Variants in NALF1 observed in about 807,000 individuals in gnomAD.
The protein encoded by NALF1 is family with sequence similarity 155 member A.
A neutral mutation model predicts 48.4 loss-of-function variants in NALF1; 3 were observed. The ratio of observed to expected loss-of-function variants is 0.06; its 90% confidence interval spans 0.03 to 0.16. The LOEUF (loss-of-function observed/expected upper bound fraction) is 0.16, where lower values mean the gene tolerates loss of function less well. Among genes scored for constraint, NALF1 ranks in the 10% least tolerant of loss-of-function variants. The probability of loss-of-function intolerance (pLI) is 1.00; values close to 1 mark genes in which losing one functional copy is unlikely to be tolerated. For missense variants in NALF1, 526 were observed against 571.5 expected (o/e 0.92, Z 0.81); for synonymous variants, 262 against 245.7 (o/e 1.07, Z -0.62).
chr13:107,563,294 A>C (rs1877698618), intron 1 of NALF1, among the ~76,000 whole-genome samples: 1 of 152,178 alleles, frequency 6.6e-6, no homozygotes, highest in Non-Finnish European at 1.5e-5. Context: ...GGCCTTAAAA[A>C]CAGGCCAGAG....
rs3072955 is a variant in NALF1 at position 107,514,459 on chromosome 13, A to ATCT, written c.916-303705_916-303704insAGA. Among the ~76,000 whole-genome samples, 3 of 138,500 alleles carry ATCT rather than the reference A, an allele frequency of 2.2e-5. No homozygotes were observed. In the South Asian group the frequency reaches 6.8e-4, roughly 32 times the overall value. 90.9% of individuals were successfully genotyped at this position (138,500 alleles called of 152,430 possible). On this transcript the variant is annotated intron_variant, in intron 1 of 2. Transcript: ENST00000375915. ...TATCTATCTATCTATCTATCTATCT[A>ATCT]ATCTACCTATCTATAAATCAATTTT...
At position 107,169,400 on chromosome 13, in the gene NALF1, A is replaced by AGAT. The variant is rs1184964991; in HGVS notation, c.*1094_*1096dup. 1.7e-5 allele frequency: 2 copies of AGAT among 120,102 alleles called. No homozygotes were observed. The highest frequency in any genetic ancestry group is 4.5e-4 in the East Asian group (2 of 4,400). 7.4% of individuals were successfully genotyped at this position (120,102 alleles called of 1,614,324 possible). A position where few individuals can be genotyped will look rare whatever the true frequency, so the allele number is the denominator to read the frequency against. On this transcript the variant is annotated 3_prime_UTR_variant, in exon 3 of 3. Coordinates refer to ENST00000375915, the MANE Select transcript of NALF1 (RefSeq NM_001080396.3). The stretch of plus-strand genomic sequence containing the variant: ...AACAATAAGGGAGGAAAAGAAGTCC[A>AGAT]GATATGTGTCCGCAATCCCTTTGTT...
At position 107,429,728 on chromosome 13, in the gene NALF1, A is replaced by C. The variant is rs190439087; in HGVS notation, c.916-218973T>G. Among the ~76,000 whole-genome samples the C allele has an allele frequency of 1.6e-3, 241 of 149,274 alleles. 1 individual carries two copies. The highest frequency in any genetic ancestry group is 5.6e-3 in the African/African-American group (231 of 41,206). The stretch of plus-strand genomic sequence containing the variant: ...ATGATAAAGACCGAATCAAAATCCA[A>C]AGTAATCAAATGTGGAAGAAACATA... On this transcript the variant is annotated intron_variant, in intron 1 of 2. Coordinates refer to ENST00000375915, the MANE Select transcript of NALF1 (RefSeq NM_001080396.3).
intron 1 of NALF1, among the ~76,000 whole-genome samples, chr13:107,343,384 T>A (rs11841746): frequency 6.6e-6 from 1 of 152,156 alleles, no homozygotes; most frequent in Non-Finnish European, 1.5e-5. Flanking sequence ...TGGGAGGTGA[T>A]TGAATCATGG....
intron 1 of NALF1, among the ~76,000 whole-genome samples, chr13:107,674,040 G>C (rs996243069): frequency 1.3e-5 from 2 of 151,720 alleles, no homozygotes. Context: ...CCAAAGACAA[G>C]AGCAACACCA....
At chr13:107,333,404 T>C (rs1234823459) in intron 1 of NALF1, among the ~76,000 whole-genome samples, 1 of 152,120 alleles carries the variant, frequency 6.6e-6, no homozygotes, top group African/African-American at 2.4e-5. Context: ...ATGGCACTCA[T>C]AGGCTTCAAA....
chr13:107,386,960 T>C (rs892284842), intron 1 of NALF1, among the ~76,000 whole-genome samples: 1 of 152,160 alleles, frequency 6.6e-6, no homozygotes, highest in African/African-American at 2.4e-5. Flanking sequence ...AAGAATGATA[T>C]ATTTTCTGAG....
intron 1 of NALF1, among the ~76,000 whole-genome samples, chr13:107,770,351 G>T (rs545895490): frequency 1.3e-5 from 2 of 151,938 alleles, no homozygotes; most frequent in African/African-American, 4.8e-5. Flanking sequence ...TGTAGATGAG[G>T]GGTAAAAGGT....
chr13:107,371,388 A>G (rs1883246002), intron 1 of NALF1, among the ~76,000 whole-genome samples: 1 of 152,178 alleles, frequency 6.6e-6, no homozygotes, highest in Non-Finnish European at 1.5e-5. Flanking sequence ...TGGAGGCTGC[A>G]GTGACTGTGA....
chr13:107,427,362 T>C (rs189425475), intron 1 of NALF1, among the ~76,000 whole-genome samples: 2 of 152,186 alleles, frequency 1.3e-5, no homozygotes, highest in East Asian at 3.9e-4. Context: ...CTCTAGAGTA[T>C]AATAACAGAA....
intron 1 of NALF1, among the ~76,000 whole-genome samples, chr13:107,421,295 TCTCAATA>T: frequency 6.6e-6 from 1 of 152,142 alleles, no homozygotes; most frequent in East Asian, 1.9e-4. Context: ...CTCAGATATA[TCTCAATA>T]CTCATTAACA....
At chr13:107,563,650 C>G (rs1185751080) in intron 1 of NALF1, among the ~76,000 whole-genome samples, 1 of 152,200 alleles carries the variant, frequency 6.6e-6, no homozygotes, top group Non-Finnish European at 1.5e-5. Flanking sequence ...ACTTCTGTCC[C>G]TCTTTACTGA....
chr13:107,333,840 C>A (rs1882511209), intron 1 of NALF1, among the ~76,000 whole-genome samples: 1 of 152,188 alleles, frequency 6.6e-6, no homozygotes, highest in Non-Finnish European at 1.5e-5. Context: ...GGAATCATTT[C>A]TGTTCATTGA....
In NALF1 at chr13:107,582,031, A is replaced by G. The variant is rs1924439; in HGVS notation, c.915+283651T>C. 0.02 allele frequency among the ~76,000 whole-genome samples: 3,116 copies of G among 152,236 alleles called. 210 individuals carry two copies. The East Asian group carries it at 0.26, about 13-fold the overall frequency. On this transcript the variant is annotated intron_variant, in intron 1 of 2. Transcript: ENST00000375915. Reference sequence around the variant, plus strand: ...TTCTAGGAATTCTGTGTTTCATTCTACATTCTTGTTGAACTCTCCAGTGCT... The same window carrying G: ...TTCTAGGAATTCTGTGTTTCATTCTGCATTCTTGTTGAACTCTCCAGTGCT...
chr13:107,454,025 G>C (rs1304371309), intron 1 of NALF1, among the ~76,000 whole-genome samples: 1 of 152,114 alleles, frequency 6.6e-6, no homozygotes, highest in African/African-American at 2.4e-5. Context: ...CTCCATCACA[G>C]ACCACCTCAG....
chr13:107,746,677 T>G (rs756979346), intron 1 of NALF1, among the ~76,000 whole-genome samples: 13 of 152,208 alleles, frequency 8.5e-5, no homozygotes, highest in Non-Finnish European at 1.5e-4. Context: ...TTCTTTTCAA[T>G]GTTAACAGGA....
rs535297187 is a variant in NALF1 at position 107,190,440 on chromosome 13, C to G, written c.1088-19654G>C. 2.0e-5 allele frequency among the ~76,000 whole-genome samples: 3 copies of G among 152,284 alleles called. No individual in the cohort carries two copies. The East Asian group carries it at 5.8e-4, about 29-fold the overall frequency. On this transcript the variant is annotated intron_variant, in intron 2 of 2. Transcript: ENST00000375915. The stretch of plus-strand genomic sequence containing the variant: ...GTAAACACCTCATAAATAGAGTTGA[C>G]TTCCAAAATATGCCTTATTTTCAAT...
chr13:107,277,025 T>C (rs1045856714), intron 1 of NALF1, among the ~76,000 whole-genome samples: 3 of 152,190 alleles, frequency 2.0e-5, no homozygotes, highest in East Asian at 1.9e-4. Flanking sequence ...TTATGTAAGA[T>C]ACAGAACATT....
At chr13:107,279,406 C>T (rs148051574) in intron 1 of NALF1, among the ~76,000 whole-genome samples, 2,872 of 152,246 alleles carry the variant, frequency 0.019, 91 homozygotes, top group African/African-American at 0.066. Flanking sequence ...CAGGTGCATG[C>T]CACCATGCCT....
Sources: gnomAD v4.1 joint callset for allele counts (sites outside exome capture counted in the v4.1 genomes callset) on GRCh38, gnomAD v4.1.1 for gene constraint, MANE v1.5 for transcripts, NCBI Gene and HGNC (gene_info 2026-07-23, HGNC 2026-07-21) for gene names.